ASAH1: variants seen among roughly 807,000 people sequenced by gnomAD.
ASAH1 encodes acid ceramidase.
ASAH1 carries 70 observed loss-of-function variants against 59.5 expected under a neutral mutation model. The observed-to-expected ratio is 1.18, with a 90% CI of 0.97 to 1.43. The LOEUF is 1.43. Ranked by LOEUF, ASAH1 falls within the 40% of genes most tolerant of loss-of-function variation. The pLI is 0.00. For missense variants in ASAH1, 660 were observed against 482.5 expected, an observed-to-expected ratio of 1.37 and a Z score of -3.45; for synonymous variants, 213 against 166.5, an observed-to-expected ratio of 1.28 and a Z score of -2.15.
chr8:18,077,779 G>C (rs1194973642), intron 1 of ASAH1, among the ~76,000 whole-genome samples: 2 of 152,166 alleles, frequency 1.3e-5, no homozygotes, highest in African/African-American at 4.8e-5. Flanking sequence ...GAGCTACTTA[G>C]AGACTTATAG....
chr8:18,075,959 G>A, intron 1 of ASAH1: 3 of 325,656 alleles, frequency 9.2e-6, no homozygotes, highest in South Asian at 7.9e-5. Context: ...CCAGCCATGT[G>A]TGTTGCAACC....
intron 1 of ASAH1, among the ~76,000 whole-genome samples, chr8:18,082,904 A>G (rs1211395373): frequency 1.5e-5 from 2 of 134,230 alleles, no homozygotes; most frequent in Non-Finnish European, 3.2e-5. Flanking sequence ...CAATGGAGCA[A>G]TTTTATTTTA....
At chr8:18,068,661 C>G (rs1354288368) in intron 4 of ASAH1, 1 of 152,262 alleles carries the variant, frequency 6.6e-6, no homozygotes, top group Non-Finnish European at 1.5e-5. Flanking sequence ...GCCAGGGACA[C>G]TGCTAAACAT....
chr8:18,083,238 A>C (rs1490608293), intron 1 of ASAH1: 5 of 152,276 alleles, frequency 3.3e-5, no homozygotes, highest in Admixed American at 2.0e-4. Context: ...GAAATGAATT[A>C]TGAAAGAGTA....
upstream of ASAH1, chr8:18,084,792 A>C (rs1254205129): frequency 6.2e-7 from 1 of 1,613,606 alleles, no homozygotes; most frequent in Non-Finnish European, 8.5e-7. Flanking sequence ...AGCCCGATGC[A>C]GCAGTTCATT....
At chr8:18,084,521 C>A, upstream of ASAH1, 1 of 1,386,414 alleles carries the variant, frequency 7.2e-7, no homozygotes, top group Non-Finnish European at 9.8e-7. Flanking sequence ...ATGTAACATC[C>A]CACCCTGACC....
At chr8:18,077,615 A>T (rs1422897831) in intron 1 of ASAH1, among the ~76,000 whole-genome samples, 1 of 152,168 alleles carries the variant, frequency 6.6e-6, no homozygotes, top group Non-Finnish European at 1.5e-5. Flanking sequence ...TCTTTAATTG[A>T]TATTGATGTT....
chr8:18,069,140 CAAAAA>C (rs34419879), intron 4 of ASAH1, among the ~76,000 whole-genome samples: 18 of 90,118 alleles, frequency 2.0e-4, no homozygotes, highest in Admixed American at 4.4e-4. Flanking sequence ...GATGAGGTCT[CAAAAA>C]AAAAAAAAAA....
rs1799976079 is a variant in ASAH1 at position 18,067,357 on chromosome 8, TATA to T, written c.304-62_304-60del. 3 of 1,036,956 alleles carry T rather than the reference TATA, an allele frequency of 2.9e-6. No individual in the cohort carries two copies. In the South Asian group the frequency reaches 8.7e-5, roughly 30 times the overall value. 64.2% of individuals were successfully genotyped at this position (1,036,956 alleles called of 1,614,324 possible). ...CATAATAACAATAAAAAATATATAA[TATA>T]ATATAAACAAATATAATAAAAGCAT... On this transcript the variant is annotated intron_variant, in intron 4 of 13. Coordinates refer to ENST00000637790, the MANE Select transcript of ASAH1 (RefSeq NM_177924.5).
In ASAH1 at chr8:18,069,791, C is replaced by G; in HGVS notation, c.303+1G>C. 6.4e-7 allele frequency: 1 copy of G among 1,553,542 alleles called. No homozygotes were observed. Among genetic ancestry groups the G allele is most frequent in the Non-Finnish European group, 8.9e-7 (1 of 1,126,186 alleles). On this transcript the variant is annotated splice_donor_variant, in intron 4 of 13. Coordinates refer to ENST00000637790, the MANE Select transcript of ASAH1 (RefSeq NM_177924.5). LOFTEE classifies it high-confidence loss of function. ...TTATTGTGAGAAATAATATCTCTTA[C>G]CAATTTTTCATCCACCACCTGCATA...
intron 10 of ASAH1, chr8:18,060,710 A>G (rs989011913): frequency 6.6e-6 from 1 of 152,344 alleles, no homozygotes; most frequent in Non-Finnish European, 1.5e-5. Flanking sequence ...CCAAGGCAAG[A>G]TATAACTTAC....
intron 1 of ASAH1, chr8:18,083,358 G>A (rs1347446194): frequency 6.5e-6 from 1 of 153,732 alleles, no homozygotes; most frequent in African/African-American, 2.4e-5. Context: ...AAATGAAAGA[G>A]TCACGCTCGT....
intron 11 of ASAH1, 30 bp from the exon 12 acceptor site, chr8:18,059,494 G>C (rs770536091): frequency 1.2e-6 from 2 of 1,614,106 alleles, no homozygotes; most frequent in Non-Finnish European, 1.7e-6. Context: ...TTCCCTCTTA[G>C]GCTACATGCC....
intron 2 of ASAH1, among the ~76,000 whole-genome samples, chr8:18,075,016 G>C (rs1800335095): frequency 1.6e-5 from 2 of 122,400 alleles, no homozygotes; most frequent in African/African-American, 3.2e-5. Flanking sequence ...TTTTTTTTGA[G>C]ACAGAGTCTC....
intron 5 of ASAH1, chr8:18,064,893 G>T: frequency 5.5e-6 from 1 of 180,898 alleles, no homozygotes; most frequent in South Asian, 1.4e-4. Context: ...CATATATTTT[G>T]CCCAGATTTT....
rs1799474426 is a variant in ASAH1, at chr8:18,056,486, C to T, written c.*1048G>A. The T allele has an allele frequency of 6.6e-6, 1 of 152,216 alleles. No homozygotes were observed. Among genetic ancestry groups the T allele is most frequent in the South Asian group, 2.1e-4 (1 of 4,836 alleles). 9.4% of individuals were successfully genotyped at this position (152,216 alleles called of 1,614,324 possible). A position where few individuals can be genotyped will look rare whatever the true frequency, so the allele number is the denominator to read the frequency against. ...GTGACTGTTTATTGAGTGTCAGGAACACAACTGTGATTATACAAAATGAAG... is the reference window on the plus strand; with the variant it reads ...GTGACTGTTTATTGAGTGTCAGGAATACAACTGTGATTATACAAAATGAAG... On this transcript the variant is annotated 3_prime_UTR_variant, in exon 14 of 14. Transcript: ENST00000637790.
In ASAH1 at chr8:18,073,266, C is replaced by G. The variant is rs752281496; in HGVS notation, c.126-1876G>C. ...TAAAAGAGTATCCACCTTATAACAG[C>G]AGGGAAGACACTATATGAAAAATGC... is the stretch of plus-strand genomic sequence containing the variant. On this transcript the variant is annotated intron_variant, in intron 2 of 13. Coordinates refer to ENST00000637790, the MANE Select transcript of ASAH1 (RefSeq NM_177924.5). 150 of 1,578,938 alleles carry G rather than the reference C, an allele frequency of 9.5e-5. 1 individual carries two copies. The highest frequency in any genetic ancestry group is 2.3e-5 in the Non-Finnish European group (26 of 1,153,458).
At chr8:18,073,333 C>T (rs1330219224) in intron 2 of ASAH1, 2 of 1,436,728 alleles carry the variant, frequency 1.4e-6, no homozygotes, top group African/African-American at 1.4e-5. Context: ...ATTCAATCAA[C>T]AGTAGTCATC....
intron 1 of ASAH1, among the ~76,000 whole-genome samples, chr8:18,078,454 A>G (rs1286732048): frequency 6.6e-6 from 1 of 152,170 alleles, no homozygotes; most frequent in Non-Finnish European, 1.5e-5. Context: ...GTGACAGAAA[A>G]TAAGAAAGTT....
Sources: gnomAD v4.1 joint callset for allele counts (sites outside exome capture counted in the v4.1 genomes callset) on GRCh38, gnomAD v4.1.1 for gene constraint, MANE v1.5 for transcripts, NCBI Gene and HGNC (gene_info 2026-07-23, HGNC 2026-07-21) for gene names.